The following RAVER2 variants were observed in gnomAD, a reference collection of about 807,000 sequenced individuals.
RAVER2 encodes the protein ribonucleoprotein PTB-binding 2.
A neutral mutation model predicts 78.1 loss-of-function variants in RAVER2; 46 were observed. That is an observed-to-expected ratio of 0.59 (90% CI 0.46 to 0.75). The LOEUF (loss-of-function observed/expected upper bound fraction) is 0.75, where lower values mean the gene tolerates loss of function less well. RAVER2 is among the 30% of genes least tolerant of loss of function. RAVER2 has a pLI of 0.00. For synonymous variants in RAVER2, 311 were observed against 313.3 expected (o/e 0.99, Z 0.08); for missense variants, 793 against 837.5 (o/e 0.95, Z 0.66).
At chr1:64,794,436 A>G (rs919281219) in intron 5 of RAVER2, among the ~76,000 whole-genome samples, 1 of 150,718 alleles carries the variant, frequency 6.6e-6, no homozygotes, top group Non-Finnish European at 1.5e-5. Flanking sequence ...CTGTTTTCCA[A>G]TGTGGTTGAG....
At chr1:64,804,499 T>G (rs931609543) in intron 6 of RAVER2, among the ~76,000 whole-genome samples, 5 of 152,200 alleles carry the variant, frequency 3.3e-5, no homozygotes, top group Admixed American at 6.5e-5. Context: ...CAAAAAGGGT[T>G]GAGAGGAGGG....
intron 9 of RAVER2, among the ~76,000 whole-genome samples, chr1:64,810,313 AGTTTGAGAGGC>A (rs766576928): frequency 6.6e-6 from 1 of 152,178 alleles, no homozygotes; most frequent in Non-Finnish European, 1.5e-5. Context: ...TATTTCTCAC[AGTTTGAGAGGC>A]TGGGAATTCT....
At chr1:64,778,146 T>A in intron 3 of RAVER2, 54 bp downstream of exon 3, 1 of 1,240,878 alleles carries the variant, frequency 8.1e-7, no homozygotes, top group Non-Finnish European at 1.1e-6. Flanking sequence ...CATATGTATC[T>A]AATCTACATA....
intron 1 of RAVER2, among the ~76,000 whole-genome samples, chr1:64,747,190 CTACT>C (rs755923397): frequency 1.5e-4 from 23 of 152,158 alleles, no homozygotes; most frequent in Middle Eastern, 3.2e-3. Context: ...GAGATTTCAT[CTACT>C]TAAACTAATA....
chr1:64,814,975 C>T, intron 11 of RAVER2, 135 bp downstream of exon 11: 1 of 747,462 alleles, frequency 1.3e-6, no homozygotes, highest in Non-Finnish European at 1.9e-6. Context: ...GTATTTCTTA[C>T]TCATCATTTG....
At chr1:64,771,485 G>T (rs964646155) in intron 2 of RAVER2, among the ~76,000 whole-genome samples, 6 of 152,030 alleles carry the variant, frequency 3.9e-5, no homozygotes, top group African/African-American at 1.4e-4. Context: ...ACAAAATGAT[G>T]AATACGTGAT....
At chr1:64,812,131 C>T (rs957710029) in intron 9 of RAVER2, among the ~76,000 whole-genome samples, 3 of 151,802 alleles carry the variant, frequency 2.0e-5, no homozygotes, top group Admixed American at 6.6e-5. Context: ...TTGGCCAAGG[C>T]GGGGGCATCA....
At chr1:64,808,848 G>T (rs781565970) in intron 9 of RAVER2, among the ~76,000 whole-genome samples, 1 of 152,128 alleles carries the variant, frequency 6.6e-6, no homozygotes, top group African/African-American at 2.4e-5. Context: ...AATAAAACTT[G>T]TATATGAATA....
chr1:64,748,963 G>A (rs1283903951), intron 1 of RAVER2, among the ~76,000 whole-genome samples: 1 of 152,036 alleles, frequency 6.6e-6, no homozygotes, highest in African/African-American at 2.4e-5. Context: ...CTCTAAAGTA[G>A]CTGGGACTAC....
intron 1 of RAVER2, among the ~76,000 whole-genome samples, chr1:64,765,461 G>A (rs933625970): frequency 1.3e-5 from 2 of 152,178 alleles, no homozygotes; most frequent in Non-Finnish European, 2.9e-5. Context: ...TGGAATGAGT[G>A]AATTTTAGAA....
exon 3 of RAVER2, chr1:64,777,846 C>T (rs764688592): frequency 6.2e-7 from 1 of 1,614,052 alleles, no homozygotes; most frequent in Non-Finnish European, 8.5e-7. Context: ...AAGTTACTGG[C>T]CATTCCAAAG....
chr1:64,797,041 T>A (rs1244028670), intron 5 of RAVER2, among the ~76,000 whole-genome samples: 1 of 152,228 alleles, frequency 6.6e-6, no homozygotes, highest in African/African-American at 2.4e-5. Context: ...TTTTTGGTTA[T>A]AATTTAATTC....
chr1:64,762,192 T>A (rs760648978), intron 1 of RAVER2, among the ~76,000 whole-genome samples: 14 of 152,166 alleles, frequency 9.2e-5, no homozygotes, highest in Non-Finnish European at 1.6e-4. Flanking sequence ...AAATGTCAAA[T>A]GCAATTTAAA....
chr1:64,824,091 G>A (rs1447842045), intron 11 of RAVER2, among the ~76,000 whole-genome samples: 1 of 152,192 alleles, frequency 6.6e-6, no homozygotes, highest in African/African-American at 2.4e-5. Flanking sequence ...ATAGGCATGT[G>A]CCACCGCGCC....
In RAVER2 at chr1:64,745,398, C is replaced by A. The variant is rs1231398130; in HGVS notation, c.226C>A (p.Leu76Met). 6.5e-7 allele frequency: 1 copy of A among 1,538,442 alleles called. No homozygotes were observed. Among genetic ancestry groups the A allele is most frequent in the Non-Finnish European group, 8.8e-7 (1 of 1,140,074 alleles). The change falls in exon 1 of 12, where the codon CTG (leucine) becomes ATG (methionine). Residue 76 changes from leucine (L) to methionine (M), a missense_variant. Physicochemically the swap from Leu to Met is conservative, Grantham distance 15. Coordinates refer to ENST00000294428, the Ensembl canonical transcript of RAVER2. The surrounding 1 kb of genome is among the most constrained non-coding windows in gnomAD (Gnocchi z 4.3). ...CCGCAGGAAAATCCTGGTGAAAAAC[C>A]TGCCCCAGGACAGCAACTGCCAGGT... is the stretch of plus-strand genomic sequence containing the variant.
rs56179197 is a variant in RAVER2 at position 64,824,932 on chromosome 1, C to CAAAAAAAAAAAAA, written c.1930-5892_1930-5880dup. ...GGCAACAGAGCGAGACCCTGTCTCCCAAAAAAAAAAAAAAAAAAAAAAAAA... is the reference window on the plus strand; with the variant it reads ...GGCAACAGAGCGAGACCCTGTCTCCCAAAAAAAAAAAAAAAAAAAAAAAAAAAAAAAAAAAAAA... On this transcript the variant is annotated intron_variant, in intron 11 of 11. Transcript: ENST00000294428. Among the ~76,000 whole-genome samples the CAAAAAAAAAAAAA allele has an allele frequency of 1.9e-3, 148 of 79,390 alleles. 6 individuals carry two copies. The highest frequency in any genetic ancestry group is 6.8e-3 in the African/African-American group (88 of 12,880). The allele number at this position is 79,390 out of a possible 152,430, so 52.1% of individuals were successfully genotyped here. A position where few individuals can be genotyped will look rare whatever the true frequency, so the allele number is the denominator to read the frequency against.
exon 12 of RAVER2, chr1:64,831,185 T>C: frequency 2.4e-6 from 1 of 424,414 alleles, no homozygotes; most frequent in Admixed American, 4.1e-5. Flanking sequence ...CATTTTCCAC[T>C]AGAGTCAGAT....
At chr1:64,808,003 T>C (rs1428267503) in intron 9 of RAVER2, among the ~76,000 whole-genome samples, 1 of 152,200 alleles carries the variant, frequency 6.6e-6, no homozygotes, top group African/African-American at 2.4e-5. Context: ...TTCTTTCAAA[T>C]ATACTTTTTT....
intron 1 of RAVER2, among the ~76,000 whole-genome samples, chr1:64,749,226 T>G (rs1651627317): frequency 6.6e-6 from 1 of 152,120 alleles, no homozygotes; most frequent in South Asian, 2.1e-4. Flanking sequence ...TTGTTTGTTT[T>G]TTGAGACGGA....
Sources: allele counts gnomAD v4.1 joint callset (sites outside exome capture counted in the v4.1 genomes callset), GRCh38; gene constraint gnomAD v4.1.1; non-coding constraint Gnocchi (gnomAD v3.1); transcripts MANE v1.5; gene names NCBI Gene and HGNC (gene_info 2026-07-23, HGNC 2026-07-21).